Variants in HSCB observed in about 807,000 individuals in gnomAD.
HSCB encodes the protein iron-sulfur cluster co-chaperone protein HscB.
A neutral mutation model predicts 31.3 loss-of-function variants in HSCB; 23 were observed. The ratio of observed to expected loss-of-function variants is 0.74; its 90% CI spans 0.53 to 1.04. The LOEUF (loss-of-function observed/expected upper bound fraction) is 1.04. HSCB is among the 50% of genes least tolerant of loss of function. The probability of loss-of-function intolerance (pLI) is 0.00; values close to 1 mark genes in which losing one functional copy is unlikely to be tolerated. For missense variants in HSCB, 297 were observed against 288.1 expected, an observed-to-expected ratio of 1.03 and a Z score of -0.22; for synonymous variants, 110 against 104.5, an observed-to-expected ratio of 1.05 and a Z score of -0.32.
intron 5 of HSCB, among the ~76,000 whole-genome samples, chr22:28,752,915 C>A (rs1406758504): frequency 6.6e-6 from 1 of 151,184 alleles, no homozygotes; most frequent in African/African-American, 2.4e-5. Flanking sequence ...CCCGTCTCTA[C>A]TAAAAATACA....
At chr22:28,743,019 A>C (rs2054610600) in intron 1 of HSCB, among the ~76,000 whole-genome samples, 1 of 152,108 alleles carries the variant, frequency 6.6e-6, no homozygotes, top group South Asian at 2.1e-4. Context: ...GGATGAAGGG[A>C]CCTGGGCCGT....
At chr22:28,747,063 C>CA (rs967217891) in intron 4 of HSCB, among the ~76,000 whole-genome samples, 10 of 151,412 alleles carry the variant, frequency 6.6e-5, no homozygotes, top group Admixed American at 3.9e-4. Context: ...GACCCTGTCA[C>CA]AAAAAAAATA....
intron 1 of HSCB, among the ~76,000 whole-genome samples, chr22:28,743,287 TG>T (rs1449510066): frequency 1.3e-5 from 2 of 151,778 alleles, no homozygotes; most frequent in Non-Finnish European, 2.9e-5. Flanking sequence ...AGACACCACC[TG>T]GGGGATAGTA....
intron 5 of HSCB, among the ~76,000 whole-genome samples, 156 bp downstream of exon 5, chr22:28,751,444 A>T (rs1370679941): frequency 6.6e-6 from 1 of 152,226 alleles, no homozygotes; most frequent in Non-Finnish European, 1.5e-5. Flanking sequence ...CTTTAAAAAA[A>T]TGCCTTTAAG....
intron 3 of HSCB, 58 bp downstream of exon 3, chr22:28,744,762 G>T (rs2054656648): frequency 7.7e-7 from 1 of 1,292,934 alleles, no homozygotes; most frequent in Non-Finnish European, 1.1e-6. Context: ...TATGGCGTAG[G>T]ACAGCCACGT....
chr22:28,754,403 C>T (rs1172362530), intron 5 of HSCB, among the ~76,000 whole-genome samples: 1 of 152,094 alleles, frequency 6.6e-6, no homozygotes, highest in Admixed American at 6.6e-5. Context: ...GGCACGGTGG[C>T]TCCCACCTGT....
At chr22:28,748,452 C>T (rs2029979968) in intron 4 of HSCB, among the ~76,000 whole-genome samples, 1 of 152,126 alleles carries the variant, frequency 6.6e-6, no homozygotes, top group South Asian at 2.1e-4. Flanking sequence ...CCTTCAGGCC[C>T]CATCTAACAA....
Position 28,746,009 on chromosome 22 carries a change from G to A in HSCB, c.568+1G>A, listed in dbSNP as rs1262882847. On this transcript the variant is annotated splice_donor_variant, in intron 4 of 5. Coordinates refer to ENST00000216027, the MANE Select transcript of HSCB (RefSeq NM_172002.5). LOFTEE classifies it high-confidence loss of function. ...AAAGAGATTGAATCCATTGTCAAAGGTGAAAGATAAAATAGCACTGAATGT... is the reference window on the plus strand; with the variant it reads ...AAAGAGATTGAATCCATTGTCAAAGATGAAAGATAAAATAGCACTGAATGT... The A allele has an allele frequency of 6.8e-6, 11 of 1,608,492 alleles. No individual in the cohort carries two copies. Among genetic ancestry groups the A allele is most frequent in the Non-Finnish European group, 7.6e-6 (9 of 1,178,406 alleles).
chr22:28,751,166 A>G (rs771909178), intron 4 of HSCB, 75 bp from the exon 5 acceptor site: 28 of 886,622 alleles, frequency 3.2e-5, no homozygotes, highest in Non-Finnish European at 1.3e-5. Context: ...CAGCATGATT[A>G]CAAAGTTTAA....
intron 1 of HSCB, 104 bp downstream of exon 1, chr22:28,742,435 T>C (rs2054586777): frequency 6.7e-7 from 1 of 1,500,998 alleles, no homozygotes; most frequent in Non-Finnish European, 8.9e-7. Context: ...AAGGCGGGAC[T>C]GATGGGGGGG....
rs185360574 is a variant in HSCB, at chr22:28,754,514, A to G, written c.617-2564A>G. Among the ~76,000 whole-genome samples, 31 of 152,028 alleles carry G rather than the reference A, an allele frequency of 2.0e-4. No homozygotes were observed. In the East Asian group the frequency reaches 3.9e-3, roughly 19 times the overall value. On this transcript the variant is annotated intron_variant, in intron 5 of 5. Coordinates refer to ENST00000216027, the MANE Select transcript of HSCB (RefSeq NM_172002.5). ...GTGAAACCCCGTCTTTACTGCAAAT[A>G]CAAAAATTAGCCAGGTGTGATGATG...
At chr22:28,743,711 A>T (rs1193041805) in intron 1 of HSCB, among the ~76,000 whole-genome samples, 171 bp from the exon 2 acceptor site, 1 of 152,152 alleles carries the variant, frequency 6.6e-6, no homozygotes, top group Non-Finnish European at 1.5e-5. Context: ...TGTCCACTAC[A>T]TCTGCTACAC....
rs1195129251 is a variant in HSCB at position 28,746,898 on chromosome 22, C to G, written c.568+890C>G. Among the ~76,000 whole-genome samples the G allele has an allele frequency of 7.2e-5, 9 of 124,760 alleles. No homozygotes were observed. In the South Asian group the frequency reaches 2.2e-3, roughly 30 times the overall value. 81.8% of individuals were successfully genotyped at this position (124,760 alleles called of 152,430 possible). The stretch of plus-strand genomic sequence containing the variant: ...TGGACGACAGAGTGAGACTCCGTCT[C>G]AAAAAAAAAAAAAAAATCAGCCAAG... On this transcript the variant is annotated intron_variant, in intron 4 of 5. Transcript: ENST00000216027.
At chr22:28,748,077 C>T (rs912203781) in intron 4 of HSCB, among the ~76,000 whole-genome samples, 8 of 152,154 alleles carry the variant, frequency 5.3e-5, no homozygotes, top group Middle Eastern at 6.8e-3. Context: ...GCCAGCTACT[C>T]GGGAGGCTGA....
In HSCB at chr22:28,743,904, A is replaced by T. The variant is rs1186761206; in HGVS notation, c.259A>T (p.Thr87Ser). 5.0e-6 allele frequency: 8 copies of T among 1,614,184 alleles called. No homozygotes were observed. In the Admixed American group the frequency reaches 1.3e-4, roughly 27 times the overall value. Residue 87 changes from threonine to serine, a missense_variant, in exon 2 of 6, where the codon ACA becomes TCA. Coordinates refer to ENST00000216027, the MANE Select transcript of HSCB (RefSeq NM_172002.5). ...CAGCAACCGTTCCTTCAGAGTTGAT[A>T]CAGCGAAGCTCCAGCACAGGTACCA... ...MDCNRSFRVD[T>S]AKLQHRYQQL...
chr22:28,751,317 A>G (rs915967682), intron 5 of HSCB, 29 bp downstream of exon 5: 2 of 1,433,010 alleles, frequency 1.4e-6, no homozygotes, highest in African/African-American at 1.4e-5. Flanking sequence ...TTTCTTAAAT[A>G]TGGAAAGAAA....
intron 5 of HSCB, among the ~76,000 whole-genome samples, chr22:28,756,011 C>T (rs1243956700): frequency 1.3e-5 from 2 of 152,086 alleles, no homozygotes; most frequent in African/African-American, 2.4e-5. Flanking sequence ...TTTGGGAGTC[C>T]AAGGCAGGCG....
intron 5 of HSCB, 42 bp downstream of exon 5, chr22:28,751,330 T>C (rs1373558802): frequency 8.0e-7 from 1 of 1,250,274 alleles, no homozygotes; most frequent in South Asian, 1.3e-5. Flanking sequence ...GAAAGAAATT[T>C]CAAGCACTGA....
chr22:28,743,366 C>T (rs1003233225), intron 1 of HSCB, among the ~76,000 whole-genome samples: 6 of 152,140 alleles, frequency 3.9e-5, no homozygotes, highest in South Asian at 2.1e-4. Flanking sequence ...TCTAGCTAAA[C>T]TGACTTGGCA....
Sources: allele counts gnomAD v4.1 joint callset (sites outside exome capture counted in the v4.1 genomes callset), GRCh38; gene constraint gnomAD v4.1.1; transcripts MANE v1.5; gene names NCBI Gene and HGNC (gene_info 2026-07-23, HGNC 2026-07-21).